Variants in RHNO1 observed in about 807,000 individuals in gnomAD.
RHNO1 encodes the protein RAD9-HUS1-RAD1 interacting nuclear orphan 1.
A neutral mutation model predicts 7.2 loss-of-function variants in RHNO1; 9 were observed. The ratio of observed to expected loss-of-function variants is 1.25; its 90% CI spans 0.75 to 2.18. RHNO1 has a LOEUF of 2.18. Among genes scored for constraint, RHNO1 ranks in the 30% most tolerant of loss-of-function variants. RHNO1 has a pLI of 0.00. For synonymous variants in RHNO1, 95 were observed against 107.5 expected, an observed-to-expected ratio of 0.88 and a Z score of 0.72; for missense variants, 292 against 284.5, an observed-to-expected ratio of 1.03 and a Z score of -0.19.
intron 1 of RHNO1, 29 bp downstream of exon 1, chr12:2,877,311 G>A (rs1417443705): frequency 6.6e-6 from 1 of 151,976 alleles, no homozygotes; most frequent in Non-Finnish European, 1.5e-5. Flanking sequence ...CGGCTTGTGG[G>A]GGAAGAAGTG....
At chr12:2,887,413 G>A (rs2098166847) in intron 2 of RHNO1, among the ~76,000 whole-genome samples, 1 of 150,854 alleles carries the variant, frequency 6.6e-6, no homozygotes, top group Non-Finnish European at 1.5e-5. Context: ...GGGAGTCGGA[G>A]GTTGCAGTGA....
At chr12:2,876,726 G>A (rs2098144881), upstream of RHNO1, among the ~76,000 whole-genome samples, 1 of 152,222 alleles carries the variant, frequency 6.6e-6, no homozygotes, top group Non-Finnish European at 1.5e-5. Flanking sequence ...GGCGCTTTAA[G>A]CAGTGAGAAG....
chr12:2,888,004 A>G lies in RHNO1; in HGVS notation c.262A>G (p.Thr88Ala), dbSNP rs750702691. ...GAGACACTCAAGTCGAAAACCTACC[A>G]CCTCCAAGTTTCCACATCTAACTTT... ...RARHSSRKPT[T>A]SKFPHLTFES... Residue 88 changes from threonine to alanine, a missense_variant, in exon 3 of 3, where the codon ACC (threonine) becomes GCC (alanine). Transcript: ENST00000489288. 3.1e-6 allele frequency: 5 copies of G among 1,613,546 alleles called. No homozygotes were observed. The highest frequency in any genetic ancestry group is 4.5e-5 in the East Asian group (2 of 44,852).
In RHNO1 at chr12:2,888,213, C is replaced by T; in HGVS notation, c.471C>T (p.Ile157=). 6.2e-7 allele frequency: 1 copy of T among 1,614,094 alleles called. No homozygotes were observed. Among genetic ancestry groups the T allele is most frequent in the Non-Finnish European group, 8.5e-7 (1 of 1,180,006 alleles). The change falls in exon 3 of 3, where the codon ATC becomes ATT. Residue 157 remains isoleucine (I), a synonymous_variant. Coordinates refer to ENST00000489288, the MANE Select transcript of RHNO1 (RefSeq NM_001252499.3). The stretch of plus-strand genomic sequence containing the variant: ...CTTATGTGTTCATTCCACCTGATAT[C>T]CAGACCCCAGAGTCATCGTCTGTGA... ...SLPYVFIPPD[I]QTPESSSVKE...
At chr12:2,884,630 T>C (rs565774940) in intron 1 of RHNO1, among the ~76,000 whole-genome samples, 17 of 149,784 alleles carry the variant, frequency 1.1e-4, no homozygotes, top group African/African-American at 4.2e-4. Flanking sequence ...CCCAAAGTGC[T>C]GGGATTACAG....
rs369058180 is a variant in RHNO1, at chr12:2,887,976, G to A, written c.234G>A (p.Arg78=). Residue 78 remains arginine (R), a synonymous_variant, in exon 3 of 3, where the codon CGG becomes CGA. Coordinates refer to ENST00000489288, the MANE Select transcript of RHNO1 (RefSeq NM_001252499.3). ...CAGCCTACCAGAAACACCAAAACCG[G>A]GCGAGACACTCAAGTCGAAAACCTA... ...LFPAYQKHQN[R]ARHSSRKPTT... 8 of 1,613,432 alleles carry A rather than the reference G, an allele frequency of 5.0e-6. No individual in the cohort carries two copies. In the African/African-American group the frequency reaches 1.1e-4, roughly 22 times the overall value.
chr12:2,887,768 GTTA>G (rs1232470070), intron 2 of RHNO1, 140 bp from the exon 3 acceptor site: 5 of 636,828 alleles, frequency 7.9e-6, no homozygotes, highest in Non-Finnish European at 1.3e-5. Context: ...AAAGCTTCCT[GTTA>G]TTATGCCATT....
At chr12:2,883,501 ATATATATATATTTTTTTTTT>A (rs1309645262) in intron 1 of RHNO1, among the ~76,000 whole-genome samples, 1 of 31,238 alleles carries the variant, frequency 3.2e-5, no homozygotes, top group African/African-American at 1.1e-4. Context: ...ATATATATAT[ATATATATATATTTTTTTTTT>A]TTTTTTTTTT....
intron 2 of RHNO1, 26 bp downstream of exon 2, chr12:2,885,560 CATTTTTTTTTTTTTTTTTT>C: frequency 1.6e-5 from 12 of 735,736 alleles, no homozygotes; most frequent in Non-Finnish European, 2.2e-5. Context: ...TACTATTTGA[CATTTTTTTTTTTTTTTTTT>C]TTTTTTTTTT....
chr12:2,884,099 C>T (rs972086173), intron 1 of RHNO1, among the ~76,000 whole-genome samples: 13 of 151,652 alleles, frequency 8.6e-5, no homozygotes, highest in African/African-American at 2.9e-4. Context: ...CTCGCTTTGT[C>T]TCCCAGGCTG....
chr12:2,886,901 T>C (rs2098166218), intron 2 of RHNO1: 1 of 450,528 alleles, frequency 2.2e-6, no homozygotes, highest in African/African-American at 2.0e-5. Context: ...ATTCATTATA[T>C]GCCAGGTCCT....
intron 1 of RHNO1, among the ~76,000 whole-genome samples, chr12:2,878,356 G>C (rs970774370): frequency 1.3e-5 from 2 of 150,720 alleles, no homozygotes; most frequent in African/African-American, 5.0e-5. Context: ...GAGGGAATCA[G>C]GCGTGCAAAG....
At chr12:2,879,561 T>A (rs1003671218) in intron 1 of RHNO1, among the ~76,000 whole-genome samples, 4 of 151,880 alleles carry the variant, frequency 2.6e-5, no homozygotes, top group African/African-American at 9.7e-5. Flanking sequence ...CTCAAACTCA[T>A]GAGCTCAAGC....
rs758481589 is a variant in RHNO1, at chr12:2,885,329, C to T, written c.-38C>T. The T allele has an allele frequency of 1.3e-6, 2 of 1,578,356 alleles. No homozygotes were observed. On this transcript the variant is annotated 5_prime_UTR_variant, in exon 2 of 3. Transcript: ENST00000489288. ...TATCCCCCAACCCGAAGGCTAACAG[C>T]ATCATGTGGTTACTAACTGTTCCTC...
rs1283423314 is a variant in RHNO1, at chr12:2,885,457, G to A, written c.91G>A (p.Ala31Thr). Residue 31 changes from alanine (A) to threonine (T), a missense_variant, in exon 2 of 3, where the codon GCA (alanine) becomes ACA (threonine). Ala to Thr is a moderately conservative substitution (Grantham distance 58). Transcript: ENST00000489288. ...QPLEGPKHSC[A>T]STQLPITHTR... The stretch of plus-strand genomic sequence containing the variant: ...ACTGGAGGGCCCCAAACACAGCTGT[G>A]CATCTACACAGCTTCCCATCACTCA... 3 of 1,612,824 alleles carry A rather than the reference G, an allele frequency of 1.9e-6. No homozygotes were observed. The South Asian group carries it at 3.3e-5, about 18-fold the overall frequency.
intron 1 of RHNO1, among the ~76,000 whole-genome samples, chr12:2,884,163 C>G (rs924814748): frequency 1.3e-5 from 2 of 150,890 alleles, no homozygotes; most frequent in Non-Finnish European, 1.5e-5. Context: ...CAGGTTCAAG[C>G]GATTCTCCTG....
upstream of RHNO1, chr12:2,876,910 T>A (rs1044654296): frequency 6.6e-6 from 1 of 152,302 alleles, no homozygotes; most frequent in South Asian, 2.1e-4. Context: ...CATTGCTGCA[T>A]CCCGCTCACC....
intron 2 of RHNO1, 69 bp from the exon 3 acceptor site, chr12:2,887,842 A>C: frequency 7.8e-7 from 1 of 1,281,960 alleles, no homozygotes; most frequent in Non-Finnish European, 1.1e-6. Context: ...GAGTCTGGTC[A>C]TCAGATACAG....
rs1319824805 is a variant in RHNO1, at chr12:2,885,379, AAAAAACGCCGCC to A, written c.15_26del (p.Lys6_Gln9del). 1 of 1,612,752 alleles carries A rather than the reference AAAAAACGCCGCC, an allele frequency of 6.2e-7. No homozygotes were observed. The highest frequency in any genetic ancestry group is 8.5e-7 in the Non-Finnish European group (1 of 1,179,618). Reference sequence around the variant, plus strand: ...CATTCACCGGTTGATGCCTCCCAGAAAAAAACGCCGCCAGCCTTCCCAGAAAGCCCCGCTGCT... The same window carrying A: ...CATTCACCGGTTGATGCCTCCCAGAAAGCCTTCCCAGAAAGCCCCGCTGCT... On this transcript the variant is annotated inframe_deletion, in exon 2 of 3. Coordinates refer to ENST00000489288, the MANE Select transcript of RHNO1 (RefSeq NM_001252499.3).
Sources: gnomAD v4.1 joint callset for allele counts (sites outside exome capture counted in the v4.1 genomes callset) on GRCh38, gnomAD v4.1.1 for gene constraint, MANE v1.5 for transcripts, NCBI Gene and HGNC (gene_info 2026-07-23, HGNC 2026-07-21) for gene names.